Variants in SUSD6 observed in about 807,000 individuals in gnomAD.
The protein encoded by SUSD6 is sushi domain containing 6.
A neutral mutation model predicts 28.4 loss-of-function variants in SUSD6; 16 were observed. That is an observed-to-expected ratio of 0.56 (90% CI 0.38 to 0.86). The LOEUF is 0.86. Among genes scored for constraint, SUSD6 ranks in the 40% least tolerant of loss-of-function variants. The pLI, the probability that SUSD6 is intolerant of heterozygous loss-of-function variation, is 0.00. For synonymous variants in SUSD6, 147 were observed against 159.6 expected, an observed-to-expected ratio of 0.92 and a Z score of 0.59; for missense variants, 341 against 384.2, an observed-to-expected ratio of 0.89 and a Z score of 0.94.
chr14:69,647,297 G>A (rs1404020040), intron 1 of SUSD6, among the ~76,000 whole-genome samples: 1 of 152,084 alleles, frequency 6.6e-6, no homozygotes, highest in Admixed American at 6.5e-5. Flanking sequence ...TATTAGAAAG[G>A]GGTGGATTGG....
At position 69,709,078 on chromosome 14, in the gene SUSD6, C is replaced by A. The variant is rs771390080; in HGVS notation, c.860C>A (p.Ser287Tyr). The A allele has an allele frequency of 6.2e-7, 1 of 1,607,146 alleles. No homozygotes were observed. Among genetic ancestry groups the A allele is most frequent in the South Asian group, 1.1e-5 (1 of 89,868 alleles). Residue 287 changes from serine to tyrosine, a missense_variant, in exon 5 of 6, where the codon TCC becomes TAC. Transcript: ENST00000342745. ...AACAGTGACATACAAAGCCTTTTATCCCTCACGTCAGAGGAGTACACAGAT... is the reference window on the plus strand; with the variant it reads ...AACAGTGACATACAAAGCCTTTTATACCTCACGTCAGAGGAGTACACAGAT... ...SENSDIQSLL[S>Y]LTSEEYTDDI...
rs966656410 is a variant in SUSD6 at position 69,713,224 on chromosome 14, C to G, written c.*2245C>G. Reference sequence around the variant, plus strand: ...CAGCTGCATAGATGACCAGCTTGATCCCTGGTGAAATGAAAAGCCTTCCTT... The same window carrying G: ...CAGCTGCATAGATGACCAGCTTGATGCCTGGTGAAATGAAAAGCCTTCCTT... On this transcript the variant is annotated 3_prime_UTR_variant, in exon 6 of 6. Coordinates refer to ENST00000342745, the MANE Select transcript of SUSD6 (RefSeq NM_014734.4). 6.6e-6 allele frequency: 1 copy of G among 152,232 alleles called. No individual in the cohort carries two copies. The highest frequency in any genetic ancestry group is 2.4e-5 in the African/African-American group (1 of 41,452). 9.4% of individuals were successfully genotyped at this position (152,232 alleles called of 1,614,324 possible).
At chr14:69,670,032 T>C (rs1450730279) in intron 2 of SUSD6, among the ~76,000 whole-genome samples, 1 of 152,238 alleles carries the variant, frequency 6.6e-6, no homozygotes, top group Non-Finnish European at 1.5e-5. Flanking sequence ...TAGACCTTGC[T>C]CCAAACCCTA....
Position 69,709,112 on chromosome 14 carries a change from G to C in SUSD6, c.886+8G>C. The C allele has an allele frequency of 1.3e-6, 2 of 1,555,066 alleles. No homozygotes were observed. The highest frequency in any genetic ancestry group is 1.7e-6 in the Non-Finnish European group (2 of 1,148,786). On this transcript the variant is annotated splice_region_variant and intron_variant, in intron 5 of 5. Transcript: ENST00000342745. ...CAGAGGAGTACACAGATGGTGAGTGGTCCAAGCTGAACATGAATTATTAGC... is the reference window on the plus strand; with the variant it reads ...CAGAGGAGTACACAGATGGTGAGTGCTCCAAGCTGAACATGAATTATTAGC...
intron 1 of SUSD6, among the ~76,000 whole-genome samples, chr14:69,612,389 T>C (rs2139585296): frequency 6.6e-6 from 1 of 152,322 alleles, no homozygotes; most frequent in South Asian, 2.1e-4. Flanking sequence ...AAACTTCTCT[T>C]ATTAACCAGG....
chr14:69,677,546 CAA>C (rs57290539), intron 2 of SUSD6, among the ~76,000 whole-genome samples: 97,626 of 114,308 alleles, frequency 0.85, 40,991 homozygotes, highest in Admixed American at 0.88. Flanking sequence ...GACTCCGTCT[CAA>C]AAAAAAAAAA....
chr14:69,625,541 G>A (rs571485815), intron 1 of SUSD6, among the ~76,000 whole-genome samples: 18 of 152,302 alleles, frequency 1.2e-4, no homozygotes, highest in African/African-American at 4.3e-4. Context: ...CAGACAGGAA[G>A]CACTGGCCAG....
chr14:69,685,359 G>T (rs1336633424), intron 2 of SUSD6, among the ~76,000 whole-genome samples: 6 of 152,196 alleles, frequency 3.9e-5, no homozygotes, highest in Non-Finnish European at 8.8e-5. Flanking sequence ...CCACTGCAAG[G>T]TCTGGCTGGA....
intron 1 of SUSD6, among the ~76,000 whole-genome samples, chr14:69,650,219 A>G (rs1885483273): frequency 6.6e-6 from 1 of 152,154 alleles, no homozygotes; most frequent in Non-Finnish European, 1.5e-5. Context: ...TGGGGAGTCT[A>G]GTGGGGGTCA....
At chr14:69,704,546 A>C (rs1886359004) in intron 3 of SUSD6, 58 bp from the exon 4 acceptor site, 5 of 1,536,946 alleles carry the variant, frequency 3.3e-6, no homozygotes, top group Non-Finnish European at 4.4e-6. Flanking sequence ...TGTGGGGCCC[A>C]TCAGCTGTTT....
At chr14:69,639,468 C>T (rs1885317544) in intron 1 of SUSD6, among the ~76,000 whole-genome samples, 1 of 152,072 alleles carries the variant, frequency 6.6e-6, no homozygotes, top group African/African-American at 2.4e-5. Context: ...GAATCACAGC[C>T]AGGGGCAGAG....
intron 1 of SUSD6, among the ~76,000 whole-genome samples, chr14:69,624,990 A>G (rs948924837): frequency 6.6e-6 from 1 of 152,264 alleles, no homozygotes; most frequent in East Asian, 1.9e-4. Context: ...ACTCCCTTGT[A>G]GAATTTTATG....
chr14:69,655,643 A>G (rs1274720591), intron 1 of SUSD6, among the ~76,000 whole-genome samples: 1 of 151,924 alleles, frequency 6.6e-6, no homozygotes, highest in Non-Finnish European at 1.5e-5. Flanking sequence ...TTTAAAAGAA[A>G]AAAAAAAAAA....
intron 2 of SUSD6, among the ~76,000 whole-genome samples, chr14:69,665,302 T>G (rs2139619207): frequency 6.6e-6 from 1 of 152,258 alleles, no homozygotes; most frequent in South Asian, 2.1e-4. Context: ...GTGCAGTGGC[T>G]CTGTCACAGC....
At position 69,665,050 on chromosome 14, in the gene SUSD6, G is replaced by A. The variant is rs565609498; in HGVS notation, c.121+6337G>A. Among the ~76,000 whole-genome samples, 3 of 152,292 alleles carry A rather than the reference G, an allele frequency of 2.0e-5. No individual in the cohort carries two copies. The East Asian group carries it at 5.8e-4, about 29-fold the overall frequency. ...TGCCTGGACTGGGATCAGATCAGGA[G>A]AGACCTTGGCCTGCCTCAGATTTAG... On this transcript the variant is annotated intron_variant, in intron 2 of 5. Transcript: ENST00000342745.
At chr14:69,620,020 C>T (rs942038624) in intron 1 of SUSD6, among the ~76,000 whole-genome samples, 5 of 152,222 alleles carry the variant, frequency 3.3e-5, no homozygotes, top group Admixed American at 3.3e-4. Flanking sequence ...TTTCCCCATC[C>T]CAGAAAGCCG....
intron 2 of SUSD6, among the ~76,000 whole-genome samples, chr14:69,677,577 A>G (rs1885931681): frequency 1.3e-5 from 2 of 151,588 alleles, no homozygotes; most frequent in Admixed American, 1.3e-4. Flanking sequence ...AAGTGTTTTT[A>G]CAGACCTGTT....
intron 1 of SUSD6, among the ~76,000 whole-genome samples, chr14:69,628,057 T>C (rs1885140970): frequency 6.6e-6 from 1 of 151,908 alleles, no homozygotes; most frequent in South Asian, 2.1e-4. Flanking sequence ...CCTCAGCTCC[T>C]ACGTAGCTGG....
chr14:69,660,576 T>A (rs181462428), intron 2 of SUSD6, among the ~76,000 whole-genome samples: 1 of 152,370 alleles, frequency 6.6e-6, no homozygotes, highest in African/African-American at 2.4e-5. Flanking sequence ...CTAGAAGTGC[T>A]AGTTGCAGAA....
Sources: gnomAD v4.1 joint callset for allele counts (sites outside exome capture counted in the v4.1 genomes callset) on GRCh38, gnomAD v4.1.1 for gene constraint, MANE v1.5 for transcripts, NCBI Gene and HGNC (gene_info 2026-07-23, HGNC 2026-07-21) for gene names.